PTGER3: variants seen among roughly 807,000 people sequenced by gnomAD.
The protein encoded by PTGER3 is prostaglandin E receptor 3.
Under a neutral mutation model 34.7 loss-of-function variants are expected in PTGER3, and 22 were observed. The ratio of observed to expected loss-of-function variants is 0.63; its 90% CI spans 0.45 to 0.91. The LOEUF is 0.91. Ranked by LOEUF, PTGER3 falls within the 40% of genes least tolerant of loss-of-function variation. PTGER3 has a pLI of 0.00. For synonymous variants in PTGER3, 241 were observed against 230.1 expected (o/e 1.05, Z -0.43); for missense variants, 468 against 519.4 (o/e 0.90, Z 0.96).
intron 2 of PTGER3, among the ~76,000 whole-genome samples, chr1:70,989,972 C>T (rs1243267202): frequency 1.3e-5 from 2 of 151,232 alleles, no homozygotes; most frequent in African/African-American, 4.9e-5. Flanking sequence ...AAAATATATA[C>T]ATACATGTAT....
intron 1 of PTGER3, among the ~76,000 whole-genome samples, chr1:71,038,441 T>C (rs543645476): frequency 1.4e-4 from 22 of 152,172 alleles, no homozygotes; most frequent in Non-Finnish European, 1.6e-4. Flanking sequence ...ATTGCACAAC[T>C]TTTGCCTAAA....
At chr1:70,891,021 A>G (rs1646605514) in intron 4 of PTGER3, among the ~76,000 whole-genome samples, 1 of 152,134 alleles carries the variant, frequency 6.6e-6, no homozygotes, top group Non-Finnish European at 1.5e-5. Context: ...AGTTGCTTTT[A>G]CTCAACGTGC....
exon 5 of PTGER3, chr1:70,852,848 C>T (rs1444474701): frequency 3.1e-6 from 5 of 1,612,996 alleles, no homozygotes; most frequent in African/African-American, 1.3e-5. Flanking sequence ...TTTAATTTCC[C>T]CAAAATTCCT....
At chr1:70,865,782 G>C in intron 4 of PTGER3, 3 of 1,367,228 alleles carry the variant, frequency 2.2e-6, no homozygotes, top group Non-Finnish European at 2.9e-6. Context: ...CGGAAGGGCT[G>C]AGCACAGAAC....
Position 71,047,622 on chromosome 1 carries a change from C to G in PTGER3, c.-45G>C. ...GGGGATGGCGTCCAGAGAGCCGCAG[C>G]GGGAGGGGGCAGACGCGGCGCGGGC... On this transcript the variant is annotated 5_prime_UTR_variant, in exon 1 of 4. Coordinates refer to ENST00000306666, the MANE Select transcript of PTGER3 (RefSeq NM_198719.2). 1.4e-6 allele frequency: 2 copies of G among 1,473,816 alleles called. No individual in the cohort carries two copies. The highest frequency in any genetic ancestry group is 1.8e-6 in the Non-Finnish European group (2 of 1,107,496). 91.3% of individuals were successfully genotyped at this position (1,473,816 alleles called of 1,614,324 possible). A position where few individuals can be genotyped will look rare whatever the true frequency, so the allele number is the denominator to read the frequency against.
At chr1:70,953,897 G>A in intron 2 of PTGER3, 1 of 532,118 alleles carries the variant, frequency 1.9e-6, no homozygotes, top group Admixed American at 3.8e-5. Context: ...ATTTCTGTGA[G>A]GGGTAATGGT....
At chr1:70,861,544 A>T (rs1390270550) in intron 4 of PTGER3, among the ~76,000 whole-genome samples, 1 of 152,200 alleles carries the variant, frequency 6.6e-6, no homozygotes, top group Non-Finnish European at 1.5e-5. Context: ...TCAGTTATAA[A>T]GGGAAACATT....
intron 4 of PTGER3, among the ~76,000 whole-genome samples, chr1:70,868,608 G>A (rs1273603658): frequency 6.6e-6 from 1 of 152,170 alleles, no homozygotes; most frequent in Non-Finnish European, 1.5e-5. Context: ...CTCCAGAGAG[G>A]CAGGACTGTC....
At chr1:71,031,897 A>G (rs1659444401) in intron 1 of PTGER3, among the ~76,000 whole-genome samples, 1 of 152,246 alleles carries the variant, frequency 6.6e-6, no homozygotes, top group African/African-American at 2.4e-5. Flanking sequence ...AATTAGAAAT[A>G]GATGCTAGAG....
At chr1:70,948,227 G>A (rs1650402340), downstream of PTGER3, among the ~76,000 whole-genome samples, 1 of 152,042 alleles carries the variant, frequency 6.6e-6, no homozygotes. Context: ...TACATGGTAG[G>A]GACCCAGTGG....
chr1:70,896,722 C>T (rs1323991385), intron 4 of PTGER3, among the ~76,000 whole-genome samples: 1 of 152,114 alleles, frequency 6.6e-6, no homozygotes, highest in Non-Finnish European at 1.5e-5. Flanking sequence ...CTGCAAGGTC[C>T]CATCCAACCC....
chr1:70,982,594 C>T (rs748801783), intron 2 of PTGER3, among the ~76,000 whole-genome samples: 1 of 152,064 alleles, frequency 6.6e-6, no homozygotes, highest in Non-Finnish European at 1.5e-5. Context: ...TTTCTATTAG[C>T]CTTAAAATAA....
At chr1:70,922,735 G>A (rs930495205) in intron 4 of PTGER3, among the ~76,000 whole-genome samples, 3 of 151,938 alleles carry the variant, frequency 2.0e-5, no homozygotes, top group African/African-American at 7.3e-5. Context: ...TGTGTTTTTT[G>A]TAAAAAAATT....
chr1:70,889,627 A>C (rs138780841), intron 4 of PTGER3, among the ~76,000 whole-genome samples: 3 of 152,302 alleles, frequency 2.0e-5, no homozygotes, highest in African/African-American at 7.2e-5. Context: ...AATCATGATG[A>C]CAATTGGACA....
chr1:71,001,489 G>A (rs539957102), intron 2 of PTGER3, among the ~76,000 whole-genome samples: 1 of 152,304 alleles, frequency 6.6e-6, no homozygotes, highest in South Asian at 2.1e-4. Context: ...TCTCATTCAG[G>A]AGAAAGAGTG....
At chr1:71,038,848 A>C (rs566841502) in intron 1 of PTGER3, among the ~76,000 whole-genome samples, 25 of 152,344 alleles carry the variant, frequency 1.6e-4, no homozygotes, top group African/African-American at 5.8e-4. Flanking sequence ...GGTTCTGTTC[A>C]GTCCCAACAT....
intron 2 of PTGER3, among the ~76,000 whole-genome samples, chr1:70,987,357 G>A (rs991745768): frequency 6.6e-6 from 1 of 152,164 alleles, no homozygotes; most frequent in African/African-American, 2.4e-5. Context: ...AGTCAATCAA[G>A]GGTCTCATTG....
chr1:70,899,512 T>G (rs985245261), intron 4 of PTGER3, among the ~76,000 whole-genome samples: 2 of 152,074 alleles, frequency 1.3e-5, no homozygotes, highest in Admixed American at 6.6e-5. Flanking sequence ...ACTAATGTGT[T>G]TTGAAGCAAT....
intron 4 of PTGER3, among the ~76,000 whole-genome samples, chr1:70,899,010 G>A (rs896804968): frequency 1.4e-5 from 2 of 146,164 alleles, no homozygotes; most frequent in Non-Finnish European, 3.0e-5. Flanking sequence ...ACCTACCTTA[G>A]CCTGATGCTT....
Sources: gnomAD v4.1 joint callset for allele counts (sites outside exome capture counted in the v4.1 genomes callset) on GRCh38, gnomAD v4.1.1 for gene constraint, MANE v1.5 for transcripts, NCBI Gene and HGNC (gene_info 2026-07-23, HGNC 2026-07-21) for gene names.